The following ZNF410 variants were observed in gnomAD, a reference collection of about 807,000 sequenced individuals.
The protein encoded by ZNF410 is zinc finger protein 410.
In ZNF410, 18 loss-of-function variants were observed where a neutral mutation model predicts 54.8. The observed-to-expected ratio is 0.33, with a 90% confidence interval of 0.23 to 0.49. ZNF410 has a LOEUF of 0.49. Ranked by LOEUF, ZNF410 falls within the 20% of genes least tolerant of loss-of-function variation. The probability of loss-of-function intolerance (pLI) is 0.99; values close to 1 mark genes in which losing one functional copy is unlikely to be tolerated. For missense variants in ZNF410, 405 were observed against 569.6 expected (o/e 0.71, Z 2.94); for synonymous variants, 191 against 207.3 (o/e 0.92, Z 0.68).
chr14:73,893,750 C>T lies in ZNF410; in HGVS notation c.34-47C>T, dbSNP rs145515415. 7.9e-4 allele frequency: 1,239 copies of T among 1,565,696 alleles called. 1 individual carries two copies. Among genetic ancestry groups the T allele is most frequent in the Non-Finnish European group, 9.9e-4 (1,151 of 1,160,632 alleles). On this transcript the variant is annotated intron_variant, in intron 2 of 11. Coordinates refer to ENST00000555044, the MANE Select transcript of ZNF410 (RefSeq NM_021188.3). ...TTTGGTAAATTCAAAGGTTTAGATA[C>T]ATTTCTAACAACTCGTATTTCTCAG...
chr14:73,909,550 C>T (rs1319330245), intron 8 of ZNF410, 120 bp downstream of exon 8: 4 of 746,104 alleles, frequency 5.4e-6, no homozygotes, highest in Non-Finnish European at 8.7e-6. Flanking sequence ...AGATAGAAAG[C>T]TTCTCATCAT....
intron 8 of ZNF410, chr14:73,916,235 T>C (rs776285690): frequency 6.6e-6 from 1 of 152,188 alleles, no homozygotes; most frequent in Non-Finnish European, 1.5e-5. Flanking sequence ...TCTTGTGATA[T>C]CTTTAGCTTT....
Position 73,923,424 on chromosome 14 carries a change from C to T in ZNF410, c.1300C>T (p.Leu434=). 1 of 1,613,814 alleles carries T rather than the reference C, an allele frequency of 6.2e-7. No individual in the cohort carries two copies. Among genetic ancestry groups the T allele is most frequent in the South Asian group, 1.1e-5 (1 of 90,966 alleles). The change falls in exon 11 of 12, where the codon CTG becomes TTG. Residue 434 remains leucine, a synonymous_variant. Transcript: ENST00000555044. ...GCTTGCTGAAGGATCCCCACGTTCC[C>T]TGTCTTCAGTGCCTGATGTGACACA... ...EVLAEGSPRS[L]SSVPDVTHHL...
intron 2 of ZNF410, 57 bp downstream of exon 2, chr14:73,892,265 C>G (rs1469659669): frequency 1.9e-6 from 3 of 1,596,084 alleles, no homozygotes; most frequent in Non-Finnish European, 2.6e-6. Context: ...CAAAGTTTAT[C>G]TTCAGTTTAG....
chr14:73,895,846 C>G (rs1228840871), intron 3 of ZNF410, among the ~76,000 whole-genome samples: 1 of 152,032 alleles, frequency 6.6e-6, no homozygotes, highest in Non-Finnish European at 1.5e-5. Context: ...ATAACCGCAG[C>G]CTGAGATACA....
intron 5 of ZNF410, among the ~76,000 whole-genome samples, chr14:73,901,944 AAAG>A (rs1440193294): frequency 9.3e-5 from 14 of 151,272 alleles, no homozygotes; most frequent in Non-Finnish European, 2.1e-4. Flanking sequence ...AAAAAAAAAA[AAAG>A]AAAAAATTTA....
chr14:73,919,737 T>G (rs370203551), intron 8 of ZNF410, among the ~76,000 whole-genome samples: 1 of 152,192 alleles, frequency 6.6e-6, no homozygotes, highest in African/African-American at 2.4e-5. Context: ...TGAATAGTGC[T>G]GCATTGAACA....
chr14:73,931,277 T>C (rs567292209), intron 11 of ZNF410, among the ~76,000 whole-genome samples: 1 of 152,296 alleles, frequency 6.6e-6, no homozygotes, highest in East Asian at 1.9e-4. Flanking sequence ...CTCAGAATAT[T>C]TGATTGCCAG....
chr14:73,904,998 G>A lies in ZNF410; in HGVS notation c.828G>A (p.Glu276=). Residue 276 remains glutamate, a synonymous_variant, in exon 7 of 12, where the codon GAG becomes GAA. Transcript: ENST00000555044. ...LKVHMRTHNG[E]KPFMCHESGC... ...TGCACATGAGGACCCACAATGGAGA[G>A]AAGCCCTTTATGTGCCATGAGTCTG... The A allele has an allele frequency of 1.2e-6, 2 of 1,614,218 alleles. No individual in the cohort carries two copies. Among genetic ancestry groups the A allele is most frequent in the Middle Eastern group, 3.3e-4 (2 of 6,050 alleles).
At chr14:73,900,873 G>T (rs540481103) in intron 5 of ZNF410, among the ~76,000 whole-genome samples, 16 of 152,304 alleles carry the variant, frequency 1.1e-4, no homozygotes, top group African/African-American at 3.8e-4. Flanking sequence ...GCTGTCATTA[G>T]TATTAGTATA....
At chr14:73,905,968 C>CACATACATAT (rs1461702433) in intron 7 of ZNF410, among the ~76,000 whole-genome samples, 1 of 78,944 alleles carries the variant, frequency 1.3e-5, no homozygotes, top group African/African-American at 4.2e-5. Context: ...CACACACACA[C>CACATACATAT]ATATATATAT....
rs372725634 is a variant in ZNF410, at chr14:73,928,283, G to A, written c.1399-3220G>A. ...GTTGGAAGAATATAACAGGCAGAAG[G>A]ACAGCAGTGTGTACAAAGGTAGAAG... On this transcript the variant is annotated intron_variant, in intron 11 of 11. Coordinates refer to ENST00000555044, the MANE Select transcript of ZNF410 (RefSeq NM_021188.3). Among the ~76,000 whole-genome samples the A allele has an allele frequency of 1.0e-3, 156 of 152,290 alleles. 5 individuals are homozygous for A. In the South Asian group the frequency reaches 0.032, roughly 31 times the overall value.
rs150584192 is a variant in ZNF410, at chr14:73,923,456, G to A, written c.1332G>A (p.Leu444=). ...LSSVPDVTHH[L]VTMQSGRQSY... ...CAGTGCCTGATGTGACACATCACCT[G>A]GTGACCATGCAGTCAGGGAGGCAAT... Residue 444 remains leucine (L), a synonymous_variant, in exon 11 of 12, where the codon CTG becomes CTA. Transcript: ENST00000555044. 6.2e-6 allele frequency: 10 copies of A among 1,613,894 alleles called. No homozygotes were observed. Among genetic ancestry groups the A allele is most frequent in the Non-Finnish European group, 7.6e-6 (9 of 1,179,986 alleles).
intron 4 of ZNF410, among the ~76,000 whole-genome samples, chr14:73,897,132 T>C (rs140038669): frequency 1.3e-4 from 20 of 152,132 alleles, no homozygotes; most frequent in African/African-American, 4.8e-4. Context: ...TCATGCCAAA[T>C]ACTACATGAT....
rs1310707691 is a variant in ZNF410, at chr14:73,931,636, A to G, written c.*95A>G. On this transcript the variant is annotated 3_prime_UTR_variant, in exon 12 of 12. Coordinates refer to ENST00000555044, the MANE Select transcript of ZNF410 (RefSeq NM_021188.3). Reference sequence around the variant, plus strand: ...CTTAGCCCACAACAGAACCAGAATGAATCTTTGAAGGCACAAGACTCTGCT... The same window carrying G: ...CTTAGCCCACAACAGAACCAGAATGGATCTTTGAAGGCACAAGACTCTGCT... The G allele has an allele frequency of 5.1e-6, 6 of 1,183,672 alleles. No individual in the cohort carries two copies. The East Asian group carries it at 1.2e-4, about 23-fold the overall frequency. 73.3% of individuals were successfully genotyped at this position (1,183,672 alleles called of 1,614,324 possible).
chr14:73,902,861 C>T (rs1369684434), intron 5 of ZNF410, among the ~76,000 whole-genome samples: 2 of 152,190 alleles, frequency 1.3e-5, no homozygotes, highest in Non-Finnish European at 2.9e-5. Flanking sequence ...CTCTCCTCAC[C>T]TCTCTTTATT....
intron 8 of ZNF410, among the ~76,000 whole-genome samples, chr14:73,919,481 A>C (rs886559411): frequency 6.6e-6 from 1 of 152,068 alleles, no homozygotes; most frequent in African/African-American, 2.4e-5. Flanking sequence ...TATTGTTCCC[A>C]TCTTTGTGTC....
rs999953038 is a variant in ZNF410, at chr14:73,892,059, T to C, written c.-117T>C. 7 of 1,168,106 alleles carry C rather than the reference T, an allele frequency of 6.0e-6. No individual in the cohort carries two copies. In the Admixed American group the frequency reaches 1.0e-4, roughly 17 times the overall value. The allele number at this position is 1,168,106 out of a possible 1,614,324, so 72.4% of individuals were successfully genotyped here. ...TGATTACCCACCTAGTACAACATCT[T>C]ACGGGAAGAGCATAGTATTTCCTAG... On this transcript the variant is annotated 5_prime_UTR_variant, in exon 2 of 12. Transcript: ENST00000555044.
intron 11 of ZNF410, among the ~76,000 whole-genome samples, chr14:73,923,732 C>T (rs1306089008): frequency 2.0e-5 from 3 of 152,088 alleles, no homozygotes; most frequent in Non-Finnish European, 2.9e-5. Context: ...CTGGGACTCC[C>T]GGCTTTAAAG....
Sources: gnomAD v4.1 joint callset for allele counts (sites outside exome capture counted in the v4.1 genomes callset) on GRCh38, gnomAD v4.1.1 for gene constraint, MANE v1.5 for transcripts, NCBI Gene and HGNC (gene_info 2026-07-23, HGNC 2026-07-21) for gene names.